The following SMIM23 variants were observed in gnomAD, a reference collection of about 807,000 sequenced individuals.
SMIM23 encodes small integral membrane protein 23.
A neutral mutation model predicts 12.8 loss-of-function variants in SMIM23; 10 were observed. The observed-to-expected ratio is 0.78, with a 90% confidence interval of 0.48 to 1.32. SMIM23 has a LOEUF of 1.32. Among genes scored for constraint, SMIM23 ranks in the 40% most tolerant of loss-of-function variants. The probability of loss-of-function intolerance (pLI) is 0.00; values close to 1 mark genes in which losing one functional copy is unlikely to be tolerated. For missense variants in SMIM23, 184 were observed against 198.2 expected (o/e 0.93, Z 0.43); for synonymous variants, 78 against 80.1 (o/e 0.97, Z 0.14).
At chr5:171,784,532 CAG>C (rs1357789328), upstream of SMIM23, among the ~76,000 whole-genome samples, 2 of 136,430 alleles carry the variant, frequency 1.5e-5, no homozygotes, top group Non-Finnish European at 3.3e-5. Flanking sequence ...ATAGTGTAAA[CAG>C]ATATTGGTGG....
upstream of SMIM23, among the ~76,000 whole-genome samples, chr5:171,778,492 CAG>C (rs747755912): frequency 1.1e-3 from 119 of 106,440 alleles, no homozygotes; most frequent in African/African-American, 3.9e-3. Context: ...CACACACACA[CAG>C]ATAGAGACAG....
upstream of SMIM23, among the ~76,000 whole-genome samples, chr5:171,785,079 C>A (rs967226397): frequency 1.3e-5 from 2 of 152,068 alleles, no homozygotes; most frequent in South Asian, 2.1e-4. Flanking sequence ...AGCACAAAGC[C>A]CCTTGTAGTT....
chr5:171,785,257 C>T (rs1020920019), upstream of SMIM23, among the ~76,000 whole-genome samples: 1 of 152,052 alleles, frequency 6.6e-6, no homozygotes, highest in Non-Finnish European at 1.5e-5. Flanking sequence ...CTGTGATCTC[C>T]TACTGCAGTG....
At chr5:171,782,921 C>T (rs559942825), upstream of SMIM23, among the ~76,000 whole-genome samples, 8 of 152,074 alleles carry the variant, frequency 5.3e-5, no homozygotes, top group African/African-American at 9.7e-5. Flanking sequence ...AGCCGGCCTC[C>T]GTATGTAAGT....
At chr5:171,779,625 G>T (rs183791856), upstream of SMIM23, among the ~76,000 whole-genome samples, 1 of 152,128 alleles carries the variant, frequency 6.6e-6, no homozygotes, top group African/African-American at 2.4e-5. Context: ...CTCCTGTACA[G>T]GCTTGCCAAT....
chr5:171,777,868 C>T (rs1755666547), upstream of SMIM23, among the ~76,000 whole-genome samples: 1 of 152,190 alleles, frequency 6.6e-6, no homozygotes, highest in African/African-American at 2.4e-5. Flanking sequence ...CAGCAGAAGC[C>T]TCCAGCCTCC....
chr5:171,790,177 T>C, intron 1 of SMIM23, 53 bp from the exon 2 acceptor site: 1 of 1,510,516 alleles, frequency 6.6e-7, no homozygotes. Flanking sequence ...CAGGGGGACC[T>C]GGAGAGAATT....
At chr5:171,781,807 G>A (rs1424468708), upstream of SMIM23, among the ~76,000 whole-genome samples, 1 of 152,176 alleles carries the variant, frequency 6.6e-6, no homozygotes, top group Non-Finnish European at 1.5e-5. Context: ...GGGACTTCCA[G>A]AAATTTTCTG....
upstream of SMIM23, among the ~76,000 whole-genome samples, chr5:171,782,024 G>C (rs538288095): frequency 2.0e-5 from 3 of 152,336 alleles, no homozygotes; most frequent in East Asian, 5.8e-4. Flanking sequence ...GCTGGCCTCT[G>C]CAGCCAGCAG....
At chr5:171,787,884 C>T (rs7702148) in intron 1 of SMIM23, among the ~76,000 whole-genome samples, 20,916 of 151,986 alleles carry the variant, frequency 0.14, 3,871 homozygotes, top group African/African-American at 0.42. Context: ...TGTCTGACTT[C>T]TTTCTCTTAT....
At position 171,790,943 on chromosome 5, in the gene SMIM23, T is replaced by C. The variant is rs1581077034; in HGVS notation, c.374T>C (p.Leu125Pro). 1 of 1,536,036 alleles carries C rather than the reference T, an allele frequency of 6.5e-7. No individual in the cohort carries two copies. Among genetic ancestry groups the C allele is most frequent in the East Asian group, 2.4e-5 (1 of 40,912 alleles). Reference sequence around the variant, plus strand: ...CTAGCGTGGGACCTGGAACTGTGGCTGGATGCTCTTCTGGGAGAGCCACAC... The same window carrying C: ...CTAGCGTGGGACCTGGAACTGTGGCCGGATGCTCTTCTGGGAGAGCCACAC... ...EQLAWDLELW[L>P]DALLGEPHQE... The change falls in exon 4 of 4, where the codon CTG becomes CCG. Residue 125 changes from leucine (L) to proline (P), a missense_variant. Transcript: ENST00000523047.
chr5:171,781,392 G>A (rs529381565), upstream of SMIM23, among the ~76,000 whole-genome samples: 1 of 152,248 alleles, frequency 6.6e-6, no homozygotes, highest in African/African-American at 2.4e-5. Context: ...GATTAGGGTG[G>A]GGCAGCTAGC....
upstream of SMIM23, among the ~76,000 whole-genome samples, chr5:171,784,937 G>A (rs1755788150): frequency 6.6e-6 from 1 of 151,922 alleles, no homozygotes. Flanking sequence ...AATCCCCAAA[G>A]GTTAAATACT....
upstream of SMIM23, among the ~76,000 whole-genome samples, chr5:171,780,847 G>A (rs1289897225): frequency 1.3e-5 from 2 of 152,092 alleles, no homozygotes; most frequent in African/African-American, 2.4e-5. Flanking sequence ...CCCAGGGAAG[G>A]AGCAGTATCC....
chr5:171,775,114 C>T, the SMIM23 span, among the ~76,000 whole-genome samples: 3 of 152,236 alleles, frequency 2.0e-5, no homozygotes, highest in African/African-American at 7.2e-5. Context: ...GCTCGCCCTC[C>T]ACCACGTTCA....
At chr5:171,773,106 G>T in the SMIM23 span, among the ~76,000 whole-genome samples, 1 of 152,202 alleles carries the variant, frequency 6.6e-6, no homozygotes, top group African/African-American at 2.4e-5. Context: ...GAAAGAGTCA[G>T]ATGTGGGAGT....
upstream of SMIM23, among the ~76,000 whole-genome samples, chr5:171,781,407 C>T (rs1156532019): frequency 6.6e-6 from 1 of 152,120 alleles, no homozygotes; most frequent in Non-Finnish European, 1.5e-5. Context: ...GCTAGCCTTC[C>T]CCAGCTATGT....
chr5:171,778,576 T>C (rs1197201330), upstream of SMIM23, among the ~76,000 whole-genome samples: 1 of 152,056 alleles, frequency 6.6e-6, no homozygotes, highest in Non-Finnish European at 1.5e-5. Flanking sequence ...TAAGGAATGC[T>C]GGCAGCCACA....
chr5:171,778,707 A>G (rs950982834), upstream of SMIM23, among the ~76,000 whole-genome samples: 10 of 152,182 alleles, frequency 6.6e-5, no homozygotes, highest in African/African-American at 2.4e-4. Context: ...CAAAAAATTA[A>G]TTTCTGTCGT....
Sources: allele counts gnomAD v4.1 joint callset (sites outside exome capture counted in the v4.1 genomes callset), GRCh38; gene constraint gnomAD v4.1.1; transcripts MANE v1.5; gene names NCBI Gene and HGNC (gene_info 2026-07-23, HGNC 2026-07-21).